SMG1: variants seen among roughly 807,000 people sequenced by gnomAD.
SMG1 encodes serine/threonine-protein kinase SMG1.
In SMG1, 22 loss-of-function variants were observed where a neutral mutation model predicts 419.9. That is an observed-to-expected ratio of 0.05 (90% CI 0.04 to 0.07). The LOEUF (loss-of-function observed/expected upper bound fraction) is 0.07, where lower values mean the gene tolerates loss of function less well. SMG1 is among the 10% of genes least tolerant of loss of function. The pLI, the probability that SMG1 is intolerant of heterozygous loss-of-function variation, is 1.00. For missense variants in SMG1, 3,185 were observed against 4,342.0 expected, an observed-to-expected ratio of 0.73 and a Z score of 7.49; for synonymous variants, 1,538 against 1,553.5, an observed-to-expected ratio of 0.99 and a Z score of 0.23.
At position 18,854,960 on chromosome 16, in the gene SMG1, G is replaced by C. The variant is rs911062733; in HGVS notation, c.4235-56C>G. The C allele has an allele frequency of 1.2e-5, 18 of 1,533,494 alleles. No individual in the cohort carries two copies. In the African/African-American group the frequency reaches 2.5e-4, roughly 21 times the overall value. 95.0% of individuals were successfully genotyped at this position (1,533,494 alleles called of 1,614,324 possible). A position where few individuals can be genotyped will look rare whatever the true frequency, so the allele number is the denominator to read the frequency against. Reference sequence around the variant, plus strand: ...TAATTTGTCTAAACCAGACTGCATGGAAACATGGCCAAAAAATTATTCCCC... The same window carrying C: ...TAATTTGTCTAAACCAGACTGCATGCAAACATGGCCAAAAAATTATTCCCC... On this transcript the variant is annotated intron_variant, in intron 29 of 62. Transcript: ENST00000446231.
chr16:18,816,858 C>G (rs2032045749), intron 57 of SMG1, among the ~76,000 whole-genome samples: 2 of 152,172 alleles, frequency 1.3e-5, no homozygotes, highest in Non-Finnish European at 2.9e-5. Context: ...TGTGAACTTC[C>G]TAACATACAG....
chr16:18,905,089 G>A (rs150493842), intron 1 of SMG1, among the ~76,000 whole-genome samples: 40 of 151,754 alleles, frequency 2.6e-4, no homozygotes, highest in African/African-American at 8.9e-4. Context: ...GTGAAACCCC[G>A]TCTCTACTAA....
At chr16:18,909,363 T>C (rs1176194469) in intron 1 of SMG1, among the ~76,000 whole-genome samples, 1 of 150,144 alleles carries the variant, frequency 6.7e-6, no homozygotes, top group African/African-American at 2.5e-5. Context: ...AAAAATAAAA[T>C]AAAATAAATA....
chr16:18,906,488 C>T (rs143809536), intron 1 of SMG1, among the ~76,000 whole-genome samples: 2,524 of 152,102 alleles, frequency 0.017, 42 homozygotes, highest in Non-Finnish European at 0.026. Flanking sequence ...AACTCCGTCT[C>T]GGGGTGGGGT....
At chr16:18,848,320 T>A (rs1232136008) in intron 36 of SMG1, among the ~76,000 whole-genome samples, 3 of 25,428 alleles carry the variant, frequency 1.2e-4, no homozygotes, top group African/African-American at 9.1e-4. Context: ...GTATAATCCT[T>A]TTTTTTTTTT....
At chr16:18,861,710 C>G (rs374575451) in intron 25 of SMG1, among the ~76,000 whole-genome samples, 1 of 152,192 alleles carries the variant, frequency 6.6e-6, no homozygotes, top group East Asian at 1.9e-4. Context: ...TAAGTCCTCT[C>G]CAGGTGGCAG....
chr16:18,892,364 T>C lies in SMG1; in HGVS notation c.413-10A>G, dbSNP rs945673137. 6.5e-7 allele frequency: 1 copy of C among 1,546,724 alleles called. No homozygotes were observed. Among genetic ancestry groups the C allele is most frequent in the East Asian group, 2.4e-5 (1 of 40,866 alleles). ...TAAGACATCGATCTCTCTGTGAATA[T>C]ATAAACATTTTGTTGTCCATTGAGT... On this transcript the variant is annotated splice_polypyrimidine_tract_variant and intron_variant, in intron 3 of 62. Coordinates refer to ENST00000446231, the MANE Select transcript of SMG1 (RefSeq NM_015092.5).
intron 39 of SMG1, among the ~76,000 whole-genome samples, chr16:18,844,765 CAGTT>C (rs111418235): frequency 5.9e-5 from 9 of 152,016 alleles, no homozygotes; most frequent in African/African-American, 2.2e-4. Flanking sequence ...GTAAGGAAAT[CAGTT>C]AGGAGCAATA....
intron 8 of SMG1, among the ~76,000 whole-genome samples, chr16:18,884,434 A>T (rs1001021519): frequency 6.6e-6 from 1 of 152,118 alleles, no homozygotes. Flanking sequence ...TCATATCTAT[A>T]TTGTCACTAC....
chr16:18,926,032 T>G lies in SMG1; in HGVS notation c.10A>C (p.Arg4=), dbSNP rs2038391549. Residue 4 remains arginine, a synonymous_variant, in exon 1 of 63, where the codon AGA becomes CGA. Coordinates refer to ENST00000446231, the MANE Select transcript of SMG1 (RefSeq NM_015092.5). Reference sequence around the variant, plus strand: ...CTGCTCAGCCGAGACCCCGGGGCTCTGCGGCTCATTACCTTCCCCGACACG... The same window carrying G: ...CTGCTCAGCCGAGACCCCGGGGCTCGGCGGCTCATTACCTTCCCCGACACG... MSR[R]APGSRLSSGG... 3.2e-6 allele frequency: 5 copies of G among 1,572,734 alleles called. No homozygotes were observed. The highest frequency in any genetic ancestry group is 4.3e-6 in the Non-Finnish European group (5 of 1,167,834).
In SMG1 at chr16:18,848,007, T is replaced by A; in HGVS notation, c.5650A>T (p.Thr1884Ser). The change falls in exon 37 of 63, where the codon ACT (threonine) becomes TCT (serine). Residue 1884 changes from threonine (T) to serine (S), a missense_variant. Around this residue, in one of 27 missense-constraint regions of SMG1, gnomAD observed 130 missense variants for 162.0 expected, o/e 0.80. Coordinates refer to ENST00000446231, the MANE Select transcript of SMG1 (RefSeq NM_015092.5). ...TCTCCTTGAATATTGCCAAGTAAAG[T>A]TGGAATTGCAGTGGAAAATTTATTT... ...SGNKFSTAIP[T>S]LLGNIQGEEL... 1 of 1,613,872 alleles carries A rather than the reference T, an allele frequency of 6.2e-7. No individual in the cohort carries two copies. The highest frequency in any genetic ancestry group is 8.5e-7 in the Non-Finnish European group (1 of 1,179,832).
rs1416793987 is a variant in SMG1, at chr16:18,809,001, T to C, written c.*568A>G. ...AGTGTATCTGTTACATAGCTCTCCATTTTCAGTCCATTTCTGAAATTCATA... is the reference window on the plus strand; with the variant it reads ...AGTGTATCTGTTACATAGCTCTCCACTTTCAGTCCATTTCTGAAATTCATA... On this transcript the variant is annotated 3_prime_UTR_variant, in exon 63 of 63. Coordinates refer to ENST00000446231, the MANE Select transcript of SMG1 (RefSeq NM_015092.5). The C allele has an allele frequency of 6.5e-6, 1 of 153,154 alleles. No homozygotes were observed. Among genetic ancestry groups the C allele is most frequent in the African/African-American group, 2.4e-5 (1 of 41,430 alleles). The allele number at this position is 153,154 out of a possible 1,614,324, so 9.5% of individuals were successfully genotyped here.
chr16:18,811,977 T>C lies in SMG1; in HGVS notation c.10772A>G (p.Lys3591Arg). 6.2e-7 allele frequency: 1 copy of C among 1,613,886 alleles called. No individual in the cohort carries two copies. Among genetic ancestry groups the C allele is most frequent in the Non-Finnish European group, 8.5e-7 (1 of 1,179,838 alleles). The change falls in exon 61 of 63, where the codon AAG becomes AGG. Residue 3591 changes from lysine (K) to arginine (R), a missense_variant. Lys to Arg is a conservative substitution (Grantham distance 26). Transcript: ENST00000446231. ...TGKSVACSPK[K>R]AVRDPKTGKA... Reference sequence around the variant, plus strand: ...CCCAGTTTTAGGGTCTCTGACTGCCTTTTTAGGACTACAAGCAACACTCTT... The same window carrying C: ...CCCAGTTTTAGGGTCTCTGACTGCCCTTTTAGGACTACAAGCAACACTCTT...
chr16:18,905,252 C>T (rs1258300920), intron 1 of SMG1, among the ~76,000 whole-genome samples: 1 of 152,130 alleles, frequency 6.6e-6, no homozygotes, highest in African/African-American at 2.4e-5. Flanking sequence ...CAGTGTGAGA[C>T]TCTGACTCAA....
intron 41 of SMG1, among the ~76,000 whole-genome samples, chr16:18,841,109 G>A (rs1013739616): frequency 2.0e-5 from 3 of 151,720 alleles, no homozygotes; most frequent in Non-Finnish European, 2.9e-5. Context: ...TTTATAAAAG[G>A]TACCTCAAGG....
At chr16:18,817,204 G>GA in intron 57 of SMG1, 87 bp downstream of exon 57, 1 of 1,143,652 alleles carries the variant, frequency 8.7e-7, no homozygotes, top group Non-Finnish European at 1.2e-6. Flanking sequence ...TATGCTCAAC[G>GA]AATGTAATCG....
chr16:18,910,580 G>A (rs1452572058), intron 1 of SMG1, among the ~76,000 whole-genome samples: 1 of 151,698 alleles, frequency 6.6e-6, no homozygotes, highest in African/African-American at 2.4e-5. Flanking sequence ...ACCCAGGCTG[G>A]TCTCCAACTC....
chr16:18,885,122 G>A lies in SMG1; in HGVS notation c.989C>T (p.Thr330Ile). Reference protein sequence around the residue: ...DILVGWHIDHTQKPSLTQQVS... With the variant: ...DILVGWHIDHIQKPSLTQQVS... ...CTGCTGCGTGAGCGAAGGTTTCTGA[G>A]TATGATCTATATGCCATCCAACTAA... is the stretch of plus-strand genomic sequence containing the variant. Residue 330 changes from threonine to isoleucine, a missense_variant, in exon 8 of 63, where the codon ACT becomes ATT. Physicochemically the swap from Thr to Ile is moderately conservative, Grantham distance 89. This residue lies in a region of SMG1 where 27 missense variants were observed against 59.4 expected (regional missense o/e 0.45). Transcript: ENST00000446231. The A allele has an allele frequency of 1.8e-6, 2 of 1,118,614 alleles. No homozygotes were observed. The highest frequency in any genetic ancestry group is 1.3e-5 in the South Asian group (1 of 75,932). 69.3% of individuals were successfully genotyped at this position (1,118,614 alleles called of 1,614,324 possible).
chr16:18,836,178 C>A lies in SMG1; in HGVS notation c.7812G>T (p.Leu2604=). Reference sequence around the variant, plus strand: ...TCAAGTGGGCCTGACCAGCATTCTGCAGAAAGGCTGTTGCTGGCACGTAAC... The same window carrying A: ...TCAAGTGGGCCTGACCAGCATTCTGAAGAAAGGCTGTTGCTGGCACGTAAC... ...PPSYVPATAF[L]QNAGQAHLIS... is the part of the protein sequence containing the mutation. Residue 2604 remains leucine, a synonymous_variant, in exon 48 of 63, where the codon CTG becomes CTT. Transcript: ENST00000446231. The A allele has an allele frequency of 6.2e-7, 1 of 1,612,104 alleles. No individual in the cohort carries two copies. Among genetic ancestry groups the A allele is most frequent in the Middle Eastern group, 1.6e-4 (1 of 6,062 alleles).
Sources: allele counts gnomAD v4.1 joint callset (sites outside exome capture counted in the v4.1 genomes callset), GRCh38; gene constraint gnomAD v4.1.1; regional missense constraint gnomAD v4.1.1; transcripts MANE v1.5; gene names NCBI Gene and HGNC (gene_info 2026-07-23, HGNC 2026-07-21).